MCTP1: variants seen among roughly 807,000 people sequenced by gnomAD.
MCTP1 encodes the protein multiple C2 and transmembrane domain-containing protein 1.
A neutral mutation model predicts 120.6 loss-of-function variants in MCTP1; 69 were observed. The observed-to-expected ratio is 0.57, with a 90% CI of 0.47 to 0.70. The LOEUF is 0.70. Among genes scored for constraint, MCTP1 ranks in the 30% least tolerant of loss-of-function variants. The pLI, the probability that MCTP1 is intolerant of heterozygous loss-of-function variation, is 0.00. For synonymous variants in MCTP1, 529 were observed against 493.1 expected, an observed-to-expected ratio of 1.07 and a Z score of -0.96; for missense variants, 1,203 against 1,248.8, an observed-to-expected ratio of 0.96 and a Z score of 0.55.
At chr5:94,872,267 T>A (rs1377478959) in intron 13 of MCTP1, among the ~76,000 whole-genome samples, 2 of 152,092 alleles carry the variant, frequency 1.3e-5, no homozygotes, top group African/African-American at 4.8e-5. Context: ...TCAAACCTAT[T>A]CATTCAGTTA....
intron 17 of MCTP1, among the ~76,000 whole-genome samples, chr5:94,839,266 C>A (rs1197382768): frequency 6.6e-6 from 1 of 152,146 alleles, no homozygotes; most frequent in Non-Finnish European, 1.5e-5. Context: ...GAAGCTATCT[C>A]CACTGAATAT....
chr5:94,719,558 A>C (rs1760361995), intron 19 of MCTP1, among the ~76,000 whole-genome samples: 1 of 152,204 alleles, frequency 6.6e-6, no homozygotes, highest in Non-Finnish European at 1.5e-5. Flanking sequence ...TCAGCAAACT[A>C]ATGCAGGAAC....
chr5:95,166,568 A>ATTT lies in MCTP1; in HGVS notation c.720+117285_720+117287dup, dbSNP rs34176318. ...CTTATTTACCACCCTAATTTTAATC[A>ATTT]TTTTTTTTTTTTTTTTTTGAGATGG... On this transcript the variant is annotated intron_variant, in intron 1 of 22. Coordinates refer to ENST00000515393, the MANE Select transcript of MCTP1 (RefSeq NM_024717.7). Among the ~76,000 whole-genome samples the ATTT allele has an allele frequency of 7.9e-3, 992 of 125,100 alleles. 24 individuals carry two copies. The highest frequency in any genetic ancestry group is 0.027 in the African/African-American group (900 of 32,884). The allele number at this position is 125,100 out of a possible 152,430, so 82.1% of individuals were successfully genotyped here. A position where few individuals can be genotyped will look rare whatever the true frequency, so the allele number is the denominator to read the frequency against.
At chr5:94,777,421 C>G (rs368094900) in intron 19 of MCTP1, among the ~76,000 whole-genome samples, 2 of 152,032 alleles carry the variant, frequency 1.3e-5, no homozygotes, top group African/African-American at 4.8e-5. Context: ...GGCCATAAAA[C>G]GGGGAGAGAT....
At chr5:95,175,807 C>G (rs1747903334) in intron 1 of MCTP1, among the ~76,000 whole-genome samples, 1 of 152,170 alleles carries the variant, frequency 6.6e-6, no homozygotes, top group African/African-American at 2.4e-5. Flanking sequence ...ATGTTGCTGG[C>G]CTCCAGCACA....
At chr5:94,970,651 G>A (rs997383731) in intron 2 of MCTP1, among the ~76,000 whole-genome samples, 25 of 151,898 alleles carry the variant, frequency 1.6e-4, no homozygotes, top group Non-Finnish European at 3.7e-4. Context: ...ACAATATATA[G>A]TACTATTAAT....
At chr5:94,859,583 GTTAA>G (rs1652487292) in intron 17 of MCTP1, among the ~76,000 whole-genome samples, 1 of 151,640 alleles carries the variant, frequency 6.6e-6, no homozygotes, top group Admixed American at 6.6e-5. Flanking sequence ...ATTATTTTGT[GTTAA>G]TTAAACATAA....
chr5:95,140,811 C>T (rs562688167), intron 1 of MCTP1, among the ~76,000 whole-genome samples: 4 of 123,822 alleles, frequency 3.2e-5, no homozygotes, highest in Admixed American at 1.1e-4. Flanking sequence ...ACCCAGGAGG[C>T]GGAGCTTGCA....
chr5:94,848,257 C>A (rs1792924522), intron 17 of MCTP1, among the ~76,000 whole-genome samples: 1 of 152,036 alleles, frequency 6.6e-6, no homozygotes, highest in South Asian at 2.1e-4. Context: ...AAATGTGTAA[C>A]ATTAAGAAAT....
intron 1 of MCTP1, among the ~76,000 whole-genome samples, chr5:95,181,154 A>C (rs1267421048): frequency 6.6e-6 from 1 of 152,268 alleles, no homozygotes; most frequent in East Asian, 1.9e-4. Flanking sequence ...CTAAAAATGC[A>C]TATTGAATCA....
intron 1 of MCTP1, among the ~76,000 whole-genome samples, chr5:95,272,109 T>C (rs1035749705): frequency 7.2e-5 from 11 of 152,196 alleles, no homozygotes; most frequent in African/African-American, 2.7e-4. Flanking sequence ...AAATATGATA[T>C]GCATGAAAGA....
chr5:95,161,789 C>A (rs534032682), intron 1 of MCTP1, among the ~76,000 whole-genome samples: 90 of 152,172 alleles, frequency 5.9e-4, no homozygotes, highest in African/African-American at 2.1e-3. Context: ...AGTTCACCAA[C>A]TAGAAAATGA....
chr5:95,072,193 C>A (rs1477804558), intron 1 of MCTP1, among the ~76,000 whole-genome samples: 3 of 151,766 alleles, frequency 2.0e-5, no homozygotes, highest in Admixed American at 6.6e-5. Flanking sequence ...CACCTCCTAT[C>A]CAGAGAGTTT....
chr5:95,063,323 T>C (rs1427734494), intron 1 of MCTP1, among the ~76,000 whole-genome samples: 1 of 152,208 alleles, frequency 6.6e-6, no homozygotes, highest in East Asian at 1.9e-4. Context: ...TTAATTTCCA[T>C]TTCTAGTTCC....
At chr5:95,029,684 A>G (rs1271141525) in intron 1 of MCTP1, among the ~76,000 whole-genome samples, 1 of 152,102 alleles carries the variant, frequency 6.6e-6, no homozygotes, top group Admixed American at 6.5e-5. Flanking sequence ...CTGTTGGGGA[A>G]CCCCTCTGAC....
rs537725252 is a variant in MCTP1, at chr5:94,830,993, A to C, written c.2437-31861T>G. On this transcript the variant is annotated intron_variant, in intron 17 of 22. Transcript: ENST00000515393. ...GTGCACATGCCTTGTAAATGGTAAA[A>C]CATTAACAAATTAAAGATAATTAGA... is the stretch of plus-strand genomic sequence containing the variant. 2.0e-5 allele frequency among the ~76,000 whole-genome samples: 3 copies of C among 152,298 alleles called. No homozygotes were observed. In the South Asian group the frequency reaches 6.2e-4, roughly 32 times the overall value.
At chr5:95,004,475 T>G (rs1000222082) in intron 2 of MCTP1, among the ~76,000 whole-genome samples, 58 of 152,206 alleles carry the variant, frequency 3.8e-4, no homozygotes, top group Non-Finnish European at 2.9e-5. Context: ...GACGTCTTTG[T>G]GGCAGCCCCT....
intron 1 of MCTP1, among the ~76,000 whole-genome samples, chr5:95,036,416 A>G (rs1216238772): frequency 6.6e-6 from 1 of 152,178 alleles, no homozygotes; most frequent in Non-Finnish European, 1.5e-5. Flanking sequence ...ATTTACGTCT[A>G]CAAAACAGGC....
chr5:94,989,119 T>C (rs1362033813), intron 2 of MCTP1, among the ~76,000 whole-genome samples: 1 of 152,182 alleles, frequency 6.6e-6, no homozygotes, highest in East Asian at 1.9e-4. Flanking sequence ...TTTGTAGAGA[T>C]GGGATGTTGC....
Sources: allele counts gnomAD v4.1 joint callset (sites outside exome capture counted in the v4.1 genomes callset), GRCh38; gene constraint gnomAD v4.1.1; transcripts MANE v1.5; gene names NCBI Gene and HGNC (gene_info 2026-07-23, HGNC 2026-07-21).